TNR: variants seen among roughly 807,000 people sequenced by gnomAD.
TNR encodes tenascin-R.
Under a neutral mutation model 150.4 loss-of-function variants are expected in TNR, and 45 were observed. The ratio of observed to expected loss-of-function variants is 0.30; its 90% CI spans 0.24 to 0.38. TNR has a LOEUF of 0.38. TNR is among the 10% of genes least tolerant of loss of function. TNR has a pLI of 1.00. For missense variants in TNR, 1,544 were observed against 1,759.1 expected, an observed-to-expected ratio of 0.88 and a Z score of 2.19; for synonymous variants, 687 against 678.4, an observed-to-expected ratio of 1.01 and a Z score of -0.20.
intron 2 of TNR, among the ~76,000 whole-genome samples, chr1:175,416,291 A>C (rs184476107): frequency 1.3e-5 from 2 of 152,326 alleles, no homozygotes; most frequent in Admixed American, 1.3e-4. Flanking sequence ...CAAGACACAC[A>C]GTAAGTTAGA....
rs875326 is a variant in TNR at position 175,320,263 on chromosome 1, C to T, written c.*3094G>A. On this transcript the variant is annotated 3_prime_UTR_variant, in exon 23 of 23. Transcript: ENST00000367674. ...GAGGAGCAGGATAAGCAGGAATCAG[C>T]GAGGAAAGTTATGAGCATTGAGTCA... The T allele has an allele frequency of 0.24, 36,460 of 152,072 alleles. 5,972 individuals carry two copies. The highest frequency in any genetic ancestry group is 0.47 in the African/African-American group (19,376 of 41,404). The allele number at this position is 152,072 out of a possible 1,614,324, so 9.4% of individuals were successfully genotyped here. A position where few individuals can be genotyped will look rare whatever the true frequency, so the allele number is the denominator to read the frequency against.
chr1:175,436,845 T>C (rs566971428), intron 2 of TNR, among the ~76,000 whole-genome samples: 2 of 152,290 alleles, frequency 1.3e-5, no homozygotes, highest in South Asian at 4.1e-4. Context: ...CCTAAATATA[T>C]ATGCACCCAA....
intron 1 of TNR, among the ~76,000 whole-genome samples, chr1:175,726,199 T>A (rs1398051166): frequency 2.6e-5 from 4 of 152,126 alleles, no homozygotes; most frequent in Non-Finnish European, 5.9e-5. Context: ...ATTACACAGA[T>A]AAGTAATAAA....
At chr1:175,392,023 A>G (rs1653194342) in intron 6 of TNR, among the ~76,000 whole-genome samples, 1 of 152,194 alleles carries the variant, frequency 6.6e-6, no homozygotes, top group Non-Finnish European at 1.5e-5. Flanking sequence ...CTTCACCCAG[A>G]TGAATTAGGA....
At chr1:175,350,138 G>C (rs1020056750) in intron 18 of TNR, among the ~76,000 whole-genome samples, 3 of 152,208 alleles carry the variant, frequency 2.0e-5, no homozygotes, top group South Asian at 2.1e-4. Flanking sequence ...AAAAGCTGAA[G>C]CTTGTGTTAG....
chr1:175,414,067 T>G (rs543666693), intron 2 of TNR, among the ~76,000 whole-genome samples: 1 of 150,936 alleles, frequency 6.6e-6, no homozygotes, highest in South Asian at 2.1e-4. Flanking sequence ...TGCAGTGAGC[T>G]GAGATTGTGC....
At position 175,315,676 on chromosome 1, in the gene TNR, C is replaced by T. The variant is rs544907001; in HGVS notation, c.*7681G>A. 4 of 152,312 alleles carry T rather than the reference C, an allele frequency of 2.6e-5. No individual in the cohort carries two copies. In the South Asian group the frequency reaches 8.3e-4, roughly 32 times the overall value. 9.4% of individuals were successfully genotyped at this position (152,312 alleles called of 1,614,324 possible). ...CTGCTCGGAGCCCCAGTTAATGACC[C>T]CCTCAGTGTCACAGTGATTTGCTTA... On this transcript the variant is annotated 3_prime_UTR_variant, in exon 23 of 23. Transcript: ENST00000367674.
At chr1:175,328,773 C>G (rs965245349) in intron 21 of TNR, among the ~76,000 whole-genome samples, 5 of 152,052 alleles carry the variant, frequency 3.3e-5, no homozygotes, top group Non-Finnish European at 7.3e-5. Flanking sequence ...GGGCCAGGCC[C>G]AAGCAAGGCA....
chr1:175,521,522 G>T (rs980192319), intron 2 of TNR, among the ~76,000 whole-genome samples: 4 of 152,236 alleles, frequency 2.6e-5, no homozygotes, highest in African/African-American at 9.6e-5. Flanking sequence ...TAAATTGTTG[G>T]TCTTTGGCCA....
chr1:175,650,119 C>A (rs1391937959), intron 1 of TNR, among the ~76,000 whole-genome samples: 3 of 152,156 alleles, frequency 2.0e-5, no homozygotes, highest in Non-Finnish European at 4.4e-5. Flanking sequence ...ATTTTGATAT[C>A]AATGTTTATT....
At chr1:175,386,482 T>C (rs859438) in intron 7 of TNR, among the ~76,000 whole-genome samples, 181 bp from the exon 8 acceptor site, 101,389 of 152,072 alleles carry the variant, frequency 0.67, 34,013 homozygotes, top group East Asian at 0.83. Context: ...TGAGGACATG[T>C]AGTTTGCCTT....
chr1:175,725,626 A>G (rs1246074640), intron 1 of TNR, among the ~76,000 whole-genome samples: 2 of 152,242 alleles, frequency 1.3e-5, no homozygotes, highest in Non-Finnish European at 2.9e-5. Flanking sequence ...GGGGAAAAAA[A>G]TAACAGGCAA....
chr1:175,654,106 T>G (rs561680596), intron 1 of TNR, among the ~76,000 whole-genome samples: 1 of 152,332 alleles, frequency 6.6e-6, no homozygotes, highest in South Asian at 2.1e-4. Context: ...GGTTTGATGC[T>G]CCAACATATC....
intron 8 of TNR, among the ~76,000 whole-genome samples, chr1:175,381,024 T>C (rs1652651012): frequency 1.3e-5 from 2 of 152,222 alleles, no homozygotes; most frequent in South Asian, 2.1e-4. Context: ...ATTGGGTGAA[T>C]CTTTTAGCAG....
At chr1:175,590,453 G>C (rs1172435342) in intron 1 of TNR, among the ~76,000 whole-genome samples, 1 of 152,130 alleles carries the variant, frequency 6.6e-6, no homozygotes, top group Non-Finnish European at 1.5e-5. Context: ...CCTAACTTTA[G>C]ACCTGGTCCT....
At chr1:175,494,091 C>T (rs889892895) in intron 2 of TNR, among the ~76,000 whole-genome samples, 1 of 152,154 alleles carries the variant, frequency 6.6e-6, no homozygotes, top group Non-Finnish European at 1.5e-5. Context: ...CCTCCTTTCC[C>T]GGATTCCTCC....
intron 2 of TNR, among the ~76,000 whole-genome samples, chr1:175,473,630 T>G (rs1657394223): frequency 6.6e-6 from 1 of 152,062 alleles, no homozygotes; most frequent in Non-Finnish European, 1.5e-5. Context: ...GGACATGGGA[T>G]TTGGGTGGCT....
chr1:175,727,540 G>C (rs192647357), intron 1 of TNR, among the ~76,000 whole-genome samples: 11 of 152,318 alleles, frequency 7.2e-5, no homozygotes, highest in Admixed American at 1.3e-4. Context: ...AAGGAGAGTA[G>C]AGTCAAGAGA....
rs182873247 is a variant in TNR at position 175,671,501 on chromosome 1, G to A, written c.-165+71725C>T. Among the ~76,000 whole-genome samples the A allele has an allele frequency of 1.1e-3, 171 of 152,288 alleles. 4 individuals carry two copies. Among genetic ancestry groups the A allele is most frequent in the Admixed American group, 9.5e-3 (146 of 15,304 alleles). On this transcript the variant is annotated intron_variant, in intron 1 of 22. Transcript: ENST00000367674. ...ACCACCTTGCCAGGGCCCCTGAATG[G>A]GTATGGTGATGCCAGTCTTCACTCA... is the stretch of plus-strand genomic sequence containing the variant.
Sources: gnomAD v4.1 joint callset for allele counts (sites outside exome capture counted in the v4.1 genomes callset) on GRCh38, gnomAD v4.1.1 for gene constraint, MANE v1.5 for transcripts, NCBI Gene and HGNC (gene_info 2026-07-23, HGNC 2026-07-21) for gene names.